Variants in MYO3B observed in about 807,000 individuals in gnomAD.
MYO3B encodes the protein myosin-IIIb.
Under a neutral mutation model 174.6 loss-of-function variants are expected in MYO3B, and 156 were observed. That is an observed-to-expected ratio of 0.89 (90% CI 0.78 to 1.02). The LOEUF is 1.02. MYO3B is among the 50% of genes least tolerant of loss of function. The pLI, the probability that MYO3B is intolerant of heterozygous loss-of-function variation, is 0.00. For missense variants in MYO3B, 1,632 were observed against 1,639.4 expected, an observed-to-expected ratio of 1.00 and a Z score of 0.08; for synonymous variants, 563 against 569.1, an observed-to-expected ratio of 0.99 and a Z score of 0.15.
chr2:170,221,858 A>G (rs1050835470), intron 6 of MYO3B, among the ~76,000 whole-genome samples: 3 of 152,154 alleles, frequency 2.0e-5, no homozygotes, highest in Admixed American at 6.5e-5. Context: ...ATGCCCCAAC[A>G]TGCCTGGCTT....
At chr2:170,632,445 A>C (rs937527027) in intron 32 of MYO3B, among the ~76,000 whole-genome samples, 2 of 152,344 alleles carry the variant, frequency 1.3e-5, no homozygotes, top group African/African-American at 4.8e-5. Flanking sequence ...ACAAAGACAC[A>C]ACATACCAGA....
At chr2:170,290,487 A>C (rs1426726967) in intron 7 of MYO3B, among the ~76,000 whole-genome samples, 1 of 152,156 alleles carries the variant, frequency 6.6e-6, no homozygotes, top group Non-Finnish European at 1.5e-5. Flanking sequence ...ATCTGAAATA[A>C]GTATAGCTAT....
intron 32 of MYO3B, among the ~76,000 whole-genome samples, chr2:170,637,552 G>A (rs1483548223): frequency 6.6e-6 from 1 of 152,166 alleles, no homozygotes; most frequent in African/African-American, 2.4e-5. Context: ...GTCCAGTGGA[G>A]AAATTCAGAT....
chr2:170,602,063 C>T, intron 32 of MYO3B: 1 of 983,004 alleles, frequency 1.0e-6, no homozygotes, highest in Non-Finnish European at 1.7e-6. Flanking sequence ...TTTCCTTTAT[C>T]TTTAGCAGAC....
At chr2:170,576,757 T>C (rs1401698422) in intron 32 of MYO3B, among the ~76,000 whole-genome samples, 1 of 152,238 alleles carries the variant, frequency 6.6e-6, no homozygotes, top group Non-Finnish European at 1.5e-5. Context: ...TATAATTTTC[T>C]TATTCCTTAC....
At chr2:170,465,708 C>G (rs1359229267) in intron 24 of MYO3B, among the ~76,000 whole-genome samples, 1 of 152,154 alleles carries the variant, frequency 6.6e-6, no homozygotes, top group East Asian at 1.9e-4. Context: ...GTTTGGTGTT[C>G]TCAAAATACC....
intron 32 of MYO3B, among the ~76,000 whole-genome samples, chr2:170,642,414 C>CATGCCAAG (rs1367954939): frequency 1.3e-5 from 2 of 152,132 alleles, no homozygotes; most frequent in Non-Finnish European, 2.9e-5. Context: ...TTGTTCATGA[C>CATGCCAAG]ATAACATGGC....
At position 170,653,071 on chromosome 2, in the gene MYO3B, C is replaced by A. The variant is rs1461575709; in HGVS notation, c.3976C>A (p.Pro1326Thr). ...CIPEENNSAH[P>T]SFFSSSSKGD... Reference sequence around the variant, plus strand: ...CCCTGAGGAGAACAACTCAGCCCACCCTTCCTTTTTTTCTTCATCCTCAAA... The same window carrying A: ...CCCTGAGGAGAACAACTCAGCCCACACTTCCTTTTTTTCTTCATCCTCAAA... The change falls in exon 35 of 35, where the codon CCT (proline) becomes ACT (threonine). Residue 1326 changes from proline (P) to threonine (T), a missense_variant. Coordinates refer to ENST00000408978, the MANE Select transcript of MYO3B (RefSeq NM_138995.5). 6.2e-7 allele frequency: 1 copy of A among 1,614,132 alleles called. No individual in the cohort carries two copies. The highest frequency in any genetic ancestry group is 8.5e-7 in the Non-Finnish European group (1 of 1,180,024).
intron 14 of MYO3B, among the ~76,000 whole-genome samples, chr2:170,389,763 A>C (rs111373623): frequency 3.3e-5 from 5 of 152,168 alleles, no homozygotes; most frequent in African/African-American, 1.2e-4. Flanking sequence ...TCAAGCTAGA[A>C]ATCTAGGAGG....
intron 7 of MYO3B, among the ~76,000 whole-genome samples, chr2:170,327,867 A>C (rs1299811176): frequency 9.8e-6 from 1 of 102,430 alleles, no homozygotes; most frequent in Non-Finnish European, 2.3e-5. Context: ...TAGCATATAT[A>C]TATATATACA....
chr2:170,418,514 A>G (rs1205895662), intron 22 of MYO3B, among the ~76,000 whole-genome samples: 1 of 152,242 alleles, frequency 6.6e-6, no homozygotes, highest in African/African-American at 2.4e-5. Flanking sequence ...AGGTCTTCAT[A>G]AAAGCTCTAG....
chr2:170,310,993 A>G (rs368619496), intron 7 of MYO3B, among the ~76,000 whole-genome samples: 1 of 152,184 alleles, frequency 6.6e-6, no homozygotes, highest in Non-Finnish European at 1.5e-5. Context: ...GAGGAAGTCC[A>G]TTCAGATGGT....
At chr2:170,580,915 C>A (rs1457542178) in intron 32 of MYO3B, among the ~76,000 whole-genome samples, 2 of 151,832 alleles carry the variant, frequency 1.3e-5, no homozygotes, top group Non-Finnish European at 2.9e-5. Context: ...ACACAATATT[C>A]TCTTTTTTAT....
At chr2:170,432,465 T>A (rs867358626) in intron 22 of MYO3B, among the ~76,000 whole-genome samples, 1 of 152,052 alleles carries the variant, frequency 6.6e-6, no homozygotes, top group Non-Finnish European at 1.5e-5. Context: ...TCTTACAATG[T>A]GTGTTTTAAG....
At chr2:170,601,710 C>A in intron 32 of MYO3B, 1 of 1,538,860 alleles carries the variant, frequency 6.5e-7, no homozygotes, top group Non-Finnish European at 8.9e-7. Flanking sequence ...TGACAACTCC[C>A]TTTTTTGCTG....
chr2:170,213,716 TAA>T (rs2092797545), intron 3 of MYO3B, among the ~76,000 whole-genome samples: 1 of 152,178 alleles, frequency 6.6e-6, no homozygotes, highest in Non-Finnish European at 1.5e-5. Flanking sequence ...ATATGCAAAA[TAA>T]AATTAGTGTT....
chr2:170,227,716 C>T (rs1477955662), intron 6 of MYO3B, among the ~76,000 whole-genome samples: 3 of 152,156 alleles, frequency 2.0e-5, no homozygotes, highest in African/African-American at 4.8e-5. Flanking sequence ...AGATACTTGC[C>T]GATGAAGGGG....
At chr2:170,391,423 G>T (rs1574902972) in intron 14 of MYO3B, 97 bp from the exon 15 acceptor site, 1 of 570,520 alleles carries the variant, frequency 1.8e-6, no homozygotes, top group Non-Finnish European at 3.0e-6. Context: ...ATACAAATTT[G>T]CCATGGAATA....
chr2:170,638,553 A>G (rs775348009), intron 32 of MYO3B, among the ~76,000 whole-genome samples: 1 of 152,214 alleles, frequency 6.6e-6, no homozygotes, highest in Non-Finnish European at 1.5e-5. Context: ...TTAACTGGCG[A>G]TTACTCTGGA....
Sources: allele counts gnomAD v4.1 joint callset (sites outside exome capture counted in the v4.1 genomes callset), GRCh38; gene constraint gnomAD v4.1.1; transcripts MANE v1.5; gene names NCBI Gene and HGNC (gene_info 2026-07-23, HGNC 2026-07-21).